The following RAP1GAP variants were observed in gnomAD, a reference collection of about 807,000 sequenced individuals.
RAP1GAP encodes the protein RAP1 GTPase activating protein, also known as rap1 GTPase-activating protein 1.
A neutral mutation model predicts 87.2 loss-of-function variants in RAP1GAP; 35 were observed. The observed-to-expected ratio is 0.40, with a 90% CI of 0.31 to 0.53. The LOEUF (loss-of-function observed/expected upper bound fraction) is 0.53. RAP1GAP is among the 20% of genes least tolerant of loss of function. The pLI is 0.48. For synonymous variants in RAP1GAP, 375 were observed against 363.9 expected, an observed-to-expected ratio of 1.03 and a Z score of -0.35; for missense variants, 734 against 898.9, an observed-to-expected ratio of 0.82 and a Z score of 2.35.
Position 21,619,172 on chromosome 1 carries a change from C to G in RAP1GAP, c.19-100G>C, listed in dbSNP as rs535373388. 20 of 1,307,378 alleles carry G rather than the reference C, an allele frequency of 1.5e-5. No homozygotes were observed. The South Asian group carries it at 2.5e-4, about 16-fold the overall frequency. The allele number at this position is 1,307,378 out of a possible 1,614,324, so 81.0% of individuals were successfully genotyped here. A position where few individuals can be genotyped will look rare whatever the true frequency, so the allele number is the denominator to read the frequency against. On this transcript the variant is annotated intron_variant, in intron 4 of 24. Coordinates refer to ENST00000374765, the MANE Select transcript of RAP1GAP (RefSeq NM_002885.4). ...AAGGGGAAAGCCCTAGGAGGCGGCC[C>G]GCGAAGGTAGGGGTACTCCCAGGGC...
At chr1:21,640,892 T>A (rs1171730423) in intron 2 of RAP1GAP, among the ~76,000 whole-genome samples, 7 of 152,010 alleles carry the variant, frequency 4.6e-5, no homozygotes, top group Non-Finnish European at 1.0e-4. Context: ...ACCGGGCCTG[T>A]CTTGTGGGCA....
chr1:21,600,631 A>C lies in RAP1GAP; in HGVS notation c.1653-1014T>G, dbSNP rs182285498. 2.1e-3 allele frequency among the ~76,000 whole-genome samples: 318 copies of C among 152,326 alleles called. 2 individuals carry two copies. The highest frequency in any genetic ancestry group is 7.2e-3 in the African/African-American group (298 of 41,566). On this transcript the variant is annotated intron_variant, in intron 20 of 24. Coordinates refer to ENST00000374765, the MANE Select transcript of RAP1GAP (RefSeq NM_002885.4). The stretch of plus-strand genomic sequence containing the variant: ...GCTGGGCGCAGTGGCTCACGCCTGT[A>C]ATCCCAGCACTTTGGGAGGCTGAGG...
intron 1 of RAP1GAP, among the ~76,000 whole-genome samples, chr1:21,656,417 TAAAA>T (rs71661339): frequency 0.22 from 21,431 of 95,814 alleles, 2,329 homozygotes; most frequent in Middle Eastern, 0.3. Context: ...AGACTCCATC[TAAAA>T]AAAAAAAAAA....
At chr1:21,648,303 C>G (rs922029257) in intron 2 of RAP1GAP, among the ~76,000 whole-genome samples, 2 of 152,156 alleles carry the variant, frequency 1.3e-5, no homozygotes, top group African/African-American at 4.8e-5. Flanking sequence ...CTGGGGTGGG[C>G]CTTCTGGGTG....
chr1:21,609,972 G>T lies in RAP1GAP; in HGVS notation c.999+148C>A. ...GGGGTGAGCTTTGGGGACGACAGGGGGCGTGGTGTGAACAGTGCACCATTG... is the reference window on the plus strand; with the variant it reads ...GGGGTGAGCTTTGGGGACGACAGGGTGCGTGGTGTGAACAGTGCACCATTG... On this transcript the variant is annotated intron_variant, in intron 14 of 24. Transcript: ENST00000374765. This position sits in a 1 kb window ranked among gnomAD's most constrained non-coding sequence, Gnocchi z 4.4. 9.9e-7 allele frequency: 1 copy of T among 1,008,754 alleles called. No individual in the cohort carries two copies. Among genetic ancestry groups the T allele is most frequent in the Non-Finnish European group, 1.4e-6 (1 of 707,724 alleles). 62.5% of individuals were successfully genotyped at this position (1,008,754 alleles called of 1,614,324 possible). A position where few individuals can be genotyped will look rare whatever the true frequency, so the allele number is the denominator to read the frequency against.
chr1:21,626,809 C>A (rs1241955289), intron 2 of RAP1GAP: 1 of 441,748 alleles, frequency 2.3e-6, no homozygotes, highest in East Asian at 6.9e-5. Flanking sequence ...ACCAGGGCTA[C>A]CGCTATTACG....
intron 13 of RAP1GAP, 46 bp downstream of exon 13, chr1:21,611,406 G>T (rs1170952998): frequency 6.3e-7 from 1 of 1,580,796 alleles, no homozygotes; most frequent in African/African-American, 1.3e-5. Flanking sequence ...AGGTGGAGGG[G>T]GAGGACAGGT....
At chr1:21,657,151 TAGA>T (rs1245270886) in intron 1 of RAP1GAP, among the ~76,000 whole-genome samples, 13 of 152,332 alleles carry the variant, frequency 8.5e-5, no homozygotes, top group Non-Finnish European at 1.6e-4. Context: ...CTCATGCCTG[TAGA>T]GATCACATCA....
chr1:21,604,015 G>C, intron 18 of RAP1GAP: 1 of 906,198 alleles, frequency 1.1e-6, no homozygotes, highest in Non-Finnish European at 1.6e-6. Context: ...GAGAGGCAGG[G>C]AAAGGAGGAA....
chr1:21,605,667 G>C (rs2149001025), intron 18 of RAP1GAP, among the ~76,000 whole-genome samples: 1 of 152,102 alleles, frequency 6.6e-6, no homozygotes, highest in East Asian at 1.9e-4. Context: ...CCGACACACA[G>C]TAGGTGCTCC....
chr1:21,620,315 G>A (rs911366574), intron 3 of RAP1GAP, among the ~76,000 whole-genome samples: 1 of 152,166 alleles, frequency 6.6e-6, no homozygotes, highest in African/African-American at 2.4e-5. Context: ...GCTCCCTGAC[G>A]GGCTGCTACC....
chr1:21,601,556 C>T (rs1461230416), intron 20 of RAP1GAP, 128 bp downstream of exon 20: 6 of 591,922 alleles, frequency 1.0e-5, no homozygotes, highest in Admixed American at 3.3e-5. Flanking sequence ...CCAGAGAATG[C>T]CCAGGTCCCC....
Position 21,602,971 on chromosome 1 carries a change from C to G in RAP1GAP, c.1429-58G>C, listed in dbSNP as rs1053472692. On this transcript the variant is annotated intron_variant, in intron 18 of 24. Transcript: ENST00000374765. ...TACCTGGGAGCCCCAGTGCCCCCCC[C>G]ACATCCCCTCTGGGGATCCTGCTGC... 19 of 1,026,656 alleles carry G rather than the reference C, an allele frequency of 1.9e-5. No individual in the cohort carries two copies. In the South Asian group the frequency reaches 1.9e-4, roughly 10 times the overall value. 63.6% of individuals were successfully genotyped at this position (1,026,656 alleles called of 1,614,324 possible).
At chr1:21,623,618 C>T (rs1336580851) in intron 3 of RAP1GAP, among the ~76,000 whole-genome samples, 1 of 152,264 alleles carries the variant, frequency 6.6e-6, no homozygotes, top group African/African-American at 2.4e-5. Flanking sequence ...AGCACTGTGC[C>T]CTCCCTTTCC....
Position 21,622,815 on chromosome 1 carries a change from C to T in RAP1GAP, c.-18-2765G>A, listed in dbSNP as rs1570872312. 6.6e-6 allele frequency: 1 copy of T among 152,160 alleles called. No homozygotes were observed. Among genetic ancestry groups the T allele is most frequent in the Admixed American group, 6.5e-5 (1 of 15,284 alleles). 9.4% of individuals were successfully genotyped at this position (152,160 alleles called of 1,614,324 possible). On this transcript the variant is annotated intron_variant, in intron 3 of 24. Transcript: ENST00000374765. This position sits in a 1 kb window ranked among gnomAD's most constrained non-coding sequence, Gnocchi z 5.7. ...ATCTTCCCAGGCTCTGGGTACCCCG[C>T]CTCGGCATCAAGGACAGGGTTGGGT...
At chr1:21,606,266 G>A in intron 17 of RAP1GAP, 69 bp from the exon 18 acceptor site, 2 of 1,528,006 alleles carry the variant, frequency 1.3e-6, no homozygotes, top group Admixed American at 2.0e-5. Context: ...AAACCCAGGA[G>A]CCCAGGCATC....
rs1476152431 is a variant in RAP1GAP, at chr1:21,613,097, C to T, written c.528+79G>A. Reference sequence around the variant, plus strand: ...GAGAACCTTGGGAAAGTATCTGGCACACAGAAGGTGCTTAATAAATGCTCA... The same window carrying T: ...GAGAACCTTGGGAAAGTATCTGGCATACAGAAGGTGCTTAATAAATGCTCA... On this transcript the variant is annotated intron_variant, in intron 10 of 24. Transcript: ENST00000374765. This position sits in a 1 kb window ranked among gnomAD's most constrained non-coding sequence, Gnocchi z 4.7. 5.7e-6 allele frequency: 8 copies of T among 1,403,822 alleles called. No individual in the cohort carries two copies. The highest frequency in any genetic ancestry group is 8.1e-6 in the Non-Finnish European group (8 of 990,970). The allele number at this position is 1,403,822 out of a possible 1,614,324, so 87.0% of individuals were successfully genotyped here. A position where few individuals can be genotyped will look rare whatever the true frequency, so the allele number is the denominator to read the frequency against.
intron 3 of RAP1GAP, among the ~76,000 whole-genome samples, chr1:21,623,270 G>A (rs923887196): frequency 1.3e-5 from 2 of 152,248 alleles, no homozygotes; most frequent in African/African-American, 4.8e-5. Flanking sequence ...GTGGCCTTGA[G>A]TGAGTCCCTG....
At chr1:21,659,931 A>C (rs72876091) in intron 1 of RAP1GAP, among the ~76,000 whole-genome samples, 132 of 152,234 alleles carry the variant, frequency 8.7e-4, no homozygotes, top group African/African-American at 3.1e-3. Flanking sequence ...GTGGATGCAG[A>C]TATGGCTACA....
Sources: allele counts gnomAD v4.1 joint callset (sites outside exome capture counted in the v4.1 genomes callset), GRCh38; gene constraint gnomAD v4.1.1; non-coding constraint Gnocchi (gnomAD v3.1); transcripts MANE v1.5; gene names NCBI Gene and HGNC (gene_info 2026-07-23, HGNC 2026-07-21).